Variants in IDO2 observed in about 807,000 individuals in gnomAD.
IDO2 encodes the protein indoleamine 2,3-dioxygenase 2, also known as indoleamine 2,3-dioxygenase-like 1 protein.
IDO2 carries 46 observed loss-of-function variants against 45.1 expected under a neutral mutation model. That is an observed-to-expected ratio of 1.02 (90% CI 0.80 to 1.30). The LOEUF (loss-of-function observed/expected upper bound fraction) is 1.30. Among genes scored for constraint, IDO2 ranks in the 50% most tolerant of loss-of-function variants. IDO2 has a pLI of 0.00. For synonymous variants in IDO2, 218 were observed against 184.9 expected, an observed-to-expected ratio of 1.18 and a Z score of -1.45; for missense variants, 544 against 491.8, an observed-to-expected ratio of 1.11 and a Z score of -1.00.
At chr8:39,969,469 A>T (rs2543056) in intron 3 of IDO2, among the ~76,000 whole-genome samples, 2,928 of 152,190 alleles carry the variant, frequency 0.019, 107 homozygotes, top group African/African-American at 0.067. Flanking sequence ...CCCCCTCCTC[A>T]GGCCTCCTGA....
At chr8:40,014,899 A>C (rs573854709) in intron 10 of IDO2, among the ~76,000 whole-genome samples, 72 of 152,322 alleles carry the variant, frequency 4.7e-4, no homozygotes, top group African/African-American at 1.7e-3. Flanking sequence ...CTGTAATCCC[A>C]AAATTTTGGA....
intron 8 of IDO2, among the ~76,000 whole-genome samples, chr8:39,994,809 TA>T (rs912751891): frequency 1.3e-4 from 20 of 151,892 alleles, no homozygotes; most frequent in African/African-American, 4.6e-4. Context: ...ATTAACCATT[TA>T]AAAAAAACCT....
intron 10 of IDO2, among the ~76,000 whole-genome samples, chr8:40,014,559 A>G (rs1050037856): frequency 6.6e-6 from 1 of 152,176 alleles, no homozygotes; most frequent in African/African-American, 2.4e-5. Flanking sequence ...AACAAAATTC[A>G]CCAGAGTATT....
chr8:39,991,846 C>T (rs1801937346), intron 8 of IDO2, among the ~76,000 whole-genome samples: 1 of 152,234 alleles, frequency 6.6e-6, no homozygotes, highest in South Asian at 2.1e-4. Flanking sequence ...GCTGGGATTA[C>T]AGCCGTGAGC....
At chr8:39,973,963 T>C (rs1808220945) in intron 3 of IDO2, among the ~76,000 whole-genome samples, 1 of 152,056 alleles carries the variant, frequency 6.6e-6, no homozygotes, top group Non-Finnish European at 1.5e-5. Flanking sequence ...TGGTCTTGAA[T>C]TCCTGACCTC....
intron 3 of IDO2, among the ~76,000 whole-genome samples, chr8:39,966,139 C>T (rs966710665): frequency 6.7e-6 from 1 of 149,876 alleles, no homozygotes; most frequent in Non-Finnish European, 1.5e-5. Context: ...AGCAATTCTC[C>T]TGCCTCAGCC....
intron 5 of IDO2, among the ~76,000 whole-genome samples, chr8:39,983,999 A>C (rs1336740551): frequency 6.6e-6 from 1 of 152,204 alleles, no homozygotes; most frequent in Non-Finnish European, 1.5e-5. Context: ...TTAATAATAA[A>C]ATGGGTGACT....
intron 5 of IDO2, 125 bp from the exon 6 acceptor site, chr8:39,985,383 C>A: frequency 1.2e-6 from 1 of 804,698 alleles, no homozygotes; most frequent in South Asian, 1.7e-5. Context: ...CAGTGCCTTG[C>A]ACACAAGTGT....
intron 4 of IDO2, among the ~76,000 whole-genome samples, chr8:39,981,140 C>A (rs890574651): frequency 6.6e-6 from 1 of 151,160 alleles, no homozygotes; most frequent in Admixed American, 6.6e-5. Context: ...TGGCTCACTG[C>A]AAGCTCCGCC....
intron 8 of IDO2, among the ~76,000 whole-genome samples, chr8:39,994,800 T>C (rs985614940): frequency 1.3e-5 from 2 of 152,048 alleles, no homozygotes; most frequent in African/African-American, 4.8e-5. Context: ...ATTTTTAATA[T>C]TAACCATTTA....
chr8:39,950,837 A>G (rs145314430), intron 2 of IDO2, among the ~76,000 whole-genome samples: 1,619 of 152,314 alleles, frequency 0.011, 30 homozygotes, highest in African/African-American at 0.036. Flanking sequence ...GGCATGCACT[A>G]TGGGCTGGGG....
intron 2 of IDO2, among the ~76,000 whole-genome samples, chr8:39,949,906 A>C (rs1243208580): frequency 2.0e-5 from 3 of 152,226 alleles, no homozygotes; most frequent in Admixed American, 1.3e-4. Flanking sequence ...AAACCTTGCT[A>C]ACAAACAATA....
intron 1 of IDO2, among the ~76,000 whole-genome samples, chr8:39,947,398 C>T (rs1807753187): frequency 1.3e-5 from 2 of 152,074 alleles, no homozygotes; most frequent in Non-Finnish European, 2.9e-5. Context: ...TTCTTAGCTC[C>T]CACAATTTAG....
At chr8:39,976,018 C>G (rs1405664510) in intron 3 of IDO2, among the ~76,000 whole-genome samples, 2 of 152,090 alleles carry the variant, frequency 1.3e-5, no homozygotes, top group Non-Finnish European at 2.9e-5. Flanking sequence ...CTCACTTTGT[C>G]CTCCAGGATG....
intron 2 of IDO2, among the ~76,000 whole-genome samples, chr8:39,960,364 C>T (rs193273760): frequency 1.3e-5 from 2 of 152,140 alleles, no homozygotes; most frequent in Admixed American, 6.6e-5. Flanking sequence ...CATTCTGGCT[C>T]TCTCTCTCCT....
chr8:39,989,451 G>A (rs1808469705), intron 7 of IDO2, among the ~76,000 whole-genome samples: 1 of 152,112 alleles, frequency 6.6e-6, no homozygotes. Flanking sequence ...GAGAAGAAGA[G>A]TAAAATAATA....
intron 5 of IDO2, chr8:39,984,909 A>T (rs916087775): frequency 2.3e-6 from 1 of 435,658 alleles, no homozygotes; most frequent in Non-Finnish European, 4.5e-6. Context: ...CAAAAATGTA[A>T]GATGAGTGAA....
intron 1 of IDO2, among the ~76,000 whole-genome samples, chr8:39,936,670 G>A (rs1206449824): frequency 1.3e-5 from 2 of 152,128 alleles, no homozygotes; most frequent in African/African-American, 4.8e-5. Flanking sequence ...AGATTAAGTA[G>A]TAACCTTAGA....
At chr8:39,997,956 C>T in intron 8 of IDO2, 2 of 223,940 alleles carry the variant, frequency 8.9e-6, no homozygotes, top group Non-Finnish European at 1.9e-5. Context: ...AGGTATGAAG[C>T]CGGCTGGTGA....
Sources: gnomAD v4.1 joint callset for allele counts (sites outside exome capture counted in the v4.1 genomes callset) on GRCh38, gnomAD v4.1.1 for gene constraint, MANE v1.5 for transcripts, NCBI Gene and HGNC (gene_info 2026-07-23, HGNC 2026-07-21) for gene names.